Variants in SNTG2 observed in about 807,000 individuals in gnomAD.
The protein encoded by SNTG2 is gamma-2-syntrophin.
SNTG2 carries 74 observed loss-of-function variants against 70.9 expected under a neutral mutation model. The ratio of observed to expected loss-of-function variants is 1.04; its 90% CI spans 0.86 to 1.27. SNTG2 has a LOEUF of 1.27. Ranked by LOEUF, SNTG2 falls within the 50% of genes most tolerant of loss-of-function variation. The pLI is 0.00. For missense variants in SNTG2, 717 were observed against 690.7 expected (o/e 1.04, Z -0.43); for synonymous variants, 278 against 273.8 (o/e 1.02, Z -0.15).
intron 4 of SNTG2, among the ~76,000 whole-genome samples, chr2:1,131,984 G>A (rs563887858): frequency 6.6e-6 from 1 of 152,244 alleles, no homozygotes; most frequent in African/African-American, 2.4e-5. Flanking sequence ...TTCACCTAAT[G>A]TGAAAATGTT....
intron 16 of SNTG2, among the ~76,000 whole-genome samples, chr2:1,337,458 T>A (rs1438417233): frequency 6.6e-6 from 1 of 152,222 alleles, no homozygotes; most frequent in Non-Finnish European, 1.5e-5. Flanking sequence ...GAACATCTTT[T>A]CATGTGCTTA....
chr2:1,168,771 T>G (rs1670924119), intron 7 of SNTG2, among the ~76,000 whole-genome samples: 1 of 152,080 alleles, frequency 6.6e-6, no homozygotes, highest in Non-Finnish European at 1.5e-5. Context: ...CTCCCTCTGC[T>G]AGAAGGAGCC....
intron 9 of SNTG2, among the ~76,000 whole-genome samples, chr2:1,222,073 G>GTCTCTCTCTGTCTCTCTC (rs1322824210): frequency 1.3e-3 from 6 of 4,634 alleles, no homozygotes; most frequent in Admixed American, 2.1e-3. Flanking sequence ...GTTTCTCTCT[G>GTCTCTCTCTGTCTCTCTC]TCTCTGTCTC....
intron 1 of SNTG2, among the ~76,000 whole-genome samples, chr2:966,039 G>T (rs1039935818): frequency 6.6e-6 from 1 of 152,186 alleles, no homozygotes; most frequent in Non-Finnish European, 1.5e-5. Context: ...CCATGGCCTT[G>T]CTGCTTCTCT....
chr2:1,099,540 A>T (rs2148215273), intron 4 of SNTG2, among the ~76,000 whole-genome samples: 1 of 152,262 alleles, frequency 6.6e-6, no homozygotes, highest in South Asian at 2.1e-4. Context: ...AAGAGGCTGG[A>T]GGTCCCAGGC....
chr2:1,303,786 C>A (rs922231518), intron 14 of SNTG2, among the ~76,000 whole-genome samples: 1 of 152,174 alleles, frequency 6.6e-6, no homozygotes, highest in African/African-American at 2.4e-5. Context: ...TGGGATATCA[C>A]TACAGACTGT....
At chr2:1,123,480 G>A (rs963151014) in intron 4 of SNTG2, among the ~76,000 whole-genome samples, 1 of 152,200 alleles carries the variant, frequency 6.6e-6, no homozygotes, top group Non-Finnish European at 1.5e-5. Context: ...TTCAATAAAT[G>A]TTGCTGGGAA....
intron 1 of SNTG2, among the ~76,000 whole-genome samples, chr2:984,349 T>C (rs1478213650): frequency 6.6e-6 from 1 of 151,540 alleles, no homozygotes; most frequent in Admixed American, 6.6e-5. Context: ...TGGTTGGTGA[T>C]GGAAATGGGA....
At chr2:1,306,243 C>T (rs1238844571) in intron 14 of SNTG2, among the ~76,000 whole-genome samples, 2 of 152,206 alleles carry the variant, frequency 1.3e-5, no homozygotes, top group South Asian at 2.1e-4. Context: ...TTGTGACCGC[C>T]GGCTGTGTGT....
intron 1 of SNTG2, among the ~76,000 whole-genome samples, chr2:1,070,900 G>A (rs984684804): frequency 6.6e-6 from 1 of 152,226 alleles, no homozygotes; most frequent in African/African-American, 2.4e-5. Flanking sequence ...GATCCCTGAT[G>A]AGGGTGTGCA....
At chr2:1,267,313 T>C (rs1678793517) in intron 13 of SNTG2, 52 bp from the exon 14 acceptor site, 3 of 1,513,452 alleles carry the variant, frequency 2.0e-6, no homozygotes, top group Admixed American at 2.0e-5. Context: ...GCCCTCAGCA[T>C]GGGAATGACC....
intron 16 of SNTG2, among the ~76,000 whole-genome samples, chr2:1,325,028 C>A (rs71440646): frequency 0.083 from 12,647 of 152,290 alleles, 609 homozygotes; most frequent in Middle Eastern, 0.12. Context: ...TGTAAGGGAA[C>A]CTTGTAAGCA....
chr2:1,188,508 T>G (rs1034851110), intron 8 of SNTG2, among the ~76,000 whole-genome samples: 1 of 152,002 alleles, frequency 6.6e-6, no homozygotes, highest in African/African-American at 2.4e-5. Flanking sequence ...CAAAATAAAT[T>G]TTCATACATT....
intron 1 of SNTG2, among the ~76,000 whole-genome samples, chr2:1,083,198 A>T (rs1267301896): frequency 6.7e-6 from 1 of 148,342 alleles, no homozygotes; most frequent in Admixed American, 6.8e-5. Context: ...ATATATATAT[A>T]TTTGGAAGTG....
intron 12 of SNTG2, among the ~76,000 whole-genome samples, chr2:1,250,419 AT>A (rs1202348144): frequency 6.7e-6 from 1 of 148,832 alleles, no homozygotes; most frequent in African/African-American, 2.5e-5. Context: ...ATCTCTTTCT[AT>A]CCCTCTCTCT....
intron 6 of SNTG2, among the ~76,000 whole-genome samples, chr2:1,140,503 C>G (rs1460326558): frequency 6.6e-6 from 1 of 152,060 alleles, no homozygotes; most frequent in Non-Finnish European, 1.5e-5. Context: ...CAGGAGCTGC[C>G]GGTTCCTCTC....
intron 8 of SNTG2, among the ~76,000 whole-genome samples, chr2:1,189,208 C>A (rs1298314534): frequency 2.0e-5 from 3 of 152,012 alleles, no homozygotes; most frequent in African/African-American, 7.2e-5. Context: ...TATAAGGTAG[C>A]AAATCTTTGT....
chr2:1,222,139 CTCTCTGTCTCTGCCTATCTCTGTCTT>C, intron 9 of SNTG2, among the ~76,000 whole-genome samples: 1 of 116,000 alleles, frequency 8.6e-6, no homozygotes, highest in African/African-American at 2.7e-5. Context: ...CTCTCTGTCT[CTCTCTGTCTCTGCCTATCTCTGTCTT>C]TGTCTCTCTT....
intron 16 of SNTG2, among the ~76,000 whole-genome samples, chr2:1,364,030 G>A (rs1661340573): frequency 6.6e-6 from 1 of 152,134 alleles, no homozygotes; most frequent in South Asian, 2.1e-4. Context: ...GAGTGCAATG[G>A]CACAATCTCG....
Sources: allele counts gnomAD v4.1 joint callset (sites outside exome capture counted in the v4.1 genomes callset), GRCh38; gene constraint gnomAD v4.1.1; transcripts MANE v1.5; gene names NCBI Gene and HGNC (gene_info 2026-07-23, HGNC 2026-07-21).